PLEKHD1: variants seen among roughly 807,000 people sequenced by gnomAD.
PLEKHD1 encodes the protein pleckstrin homology and coiled-coil domain containing D1, also known as pleckstrin homology domain-containing family D member 1.
In PLEKHD1, 51 loss-of-function variants were observed where a neutral mutation model predicts 69.2. The ratio of observed to expected loss-of-function variants is 0.74; its 90% CI spans 0.59 to 0.93. The LOEUF (loss-of-function observed/expected upper bound fraction) is 0.93, where lower values mean the gene tolerates loss of function less well. Ranked by LOEUF, PLEKHD1 falls within the 40% of genes least tolerant of loss-of-function variation. The pLI is 0.00. For missense variants in PLEKHD1, 584 were observed against 641.0 expected, an observed-to-expected ratio of 0.91 and a Z score of 0.96; for synonymous variants, 236 against 244.7, an observed-to-expected ratio of 0.96 and a Z score of 0.33.
chr14:69,522,286 C>G lies in PLEKHD1; in HGVS notation c.559C>G (p.Leu187Val). 2 of 1,551,418 alleles carry G rather than the reference C, an allele frequency of 1.3e-6. No individual in the cohort carries two copies. Among genetic ancestry groups the G allele is most frequent in the Non-Finnish European group, 1.7e-6 (2 of 1,146,822 alleles). The change falls in exon 7 of 13, where the codon CTT (leucine) becomes GTT (valine). Residue 187 changes from leucine (L) to valine (V), a missense_variant. Coordinates refer to ENST00000322564, the MANE Select transcript of PLEKHD1 (RefSeq NM_001161498.2). ...TCTTCCTCTCTGGTCTCTTCAGGAG[C>G]TTGAGCGCCTTAACCAGGTGCTGGA... The part of the protein sequence containing the change: ...LCLQREQREE[L>V]ERLNQVLEAE...
intron 8 of PLEKHD1, among the ~76,000 whole-genome samples, chr14:69,525,613 G>A (rs935559442): frequency 1.3e-5 from 2 of 152,124 alleles, no homozygotes; most frequent in Non-Finnish European, 2.9e-5. Flanking sequence ...GCTGGTTCCT[G>A]TTGGGTGTTT....
intron 12 of PLEKHD1, 101 bp downstream of exon 12, chr14:69,528,033 T>C (rs1594996378): frequency 1.3e-6 from 2 of 1,524,710 alleles, no homozygotes; most frequent in Non-Finnish European, 8.8e-7. Context: ...GGCTGGAGAG[T>C]GTGGCCTTGA....
Position 69,500,965 on chromosome 14 carries a change from G to A in PLEKHD1, c.410+18G>A. 3.2e-6 allele frequency: 5 copies of A among 1,551,080 alleles called. No individual in the cohort carries two copies. Among genetic ancestry groups the A allele is most frequent in the Non-Finnish European group, 4.4e-6 (5 of 1,146,814 alleles). On this transcript the variant is annotated intron_variant, in intron 4 of 12. Coordinates refer to ENST00000322564, the MANE Select transcript of PLEKHD1 (RefSeq NM_001161498.2). ...GGGAAGGTGTAAGTGCTCACAGCCA[G>A]GAGGGCAGCCTGCAGATCCAGGATG...
intron 1 of PLEKHD1, among the ~76,000 whole-genome samples, chr14:69,487,019 G>A (rs923232188): frequency 1.3e-5 from 2 of 152,158 alleles, no homozygotes; most frequent in Admixed American, 1.3e-4. Context: ...ACAGCTAAAA[G>A]TCAAGTCCTT....
chr14:69,511,004 T>C (rs1220038889), intron 6 of PLEKHD1, among the ~76,000 whole-genome samples: 1 of 152,240 alleles, frequency 6.6e-6, no homozygotes, highest in Non-Finnish European at 1.5e-5. Flanking sequence ...TCCATGTGAT[T>C]CTTTTTCTCT....
chr14:69,485,535 C>G (rs953508307), intron 1 of PLEKHD1, among the ~76,000 whole-genome samples: 2 of 151,194 alleles, frequency 1.3e-5, no homozygotes, highest in African/African-American at 4.9e-5. Context: ...CCGCGAGGAC[C>G]GGGCCTGAGT....
chr14:69,471,084 C>A, the PLEKHD1 span, among the ~76,000 whole-genome samples: 1 of 138,386 alleles, frequency 7.2e-6, no homozygotes, highest in Non-Finnish European at 1.5e-5. Flanking sequence ...AGCCACCGTG[C>A]CTGGCCTTTT....
intron 6 of PLEKHD1, among the ~76,000 whole-genome samples, chr14:69,515,817 A>G (rs1287600057): frequency 6.6e-6 from 1 of 152,180 alleles, no homozygotes; most frequent in Non-Finnish European, 1.5e-5. Flanking sequence ...TGCCCCCGTA[A>G]TCTAACTACC....
intron 6 of PLEKHD1, 55 bp downstream of exon 6, chr14:69,502,934 A>T (rs543497047): frequency 6.5e-7 from 1 of 1,542,008 alleles, no homozygotes; most frequent in South Asian, 1.2e-5. Context: ...TCACGTTTCT[A>T]GCACTAGGGA....
chr14:69,526,006 G>C lies in PLEKHD1; in HGVS notation c.807G>C (p.Gln269His). Reference sequence around the variant, plus strand: ...TGGAGGAGAACGAGAACCACCTGCAGACACTGGCCAATCAGAGTGAGCAGC... The same window carrying C: ...TGGAGGAGAACGAGAACCACCTGCACACACTGGCCAATCAGAGTGAGCAGC... ...EMLEENENHL[Q>H]TLANQSEQPP... The change falls in exon 9 of 13, where the codon CAG becomes CAC. Residue 269 changes from glutamine to histidine, a missense_variant. Physicochemically the swap from Gln to His is conservative, Grantham distance 24. Coordinates refer to ENST00000322564, the MANE Select transcript of PLEKHD1 (RefSeq NM_001161498.2). 2 of 1,551,686 alleles carry C rather than the reference G, an allele frequency of 1.3e-6. No homozygotes were observed.
intron 6 of PLEKHD1, 36 bp from the exon 7 acceptor site, chr14:69,522,247 G>A (rs1298280421): frequency 1.3e-6 from 2 of 1,544,602 alleles, no homozygotes; most frequent in Non-Finnish European, 1.8e-6. Context: ...TTCCTTTGCT[G>A]CCTGTGACTC....
chr14:69,511,278 C>T (rs2139516401), intron 6 of PLEKHD1, among the ~76,000 whole-genome samples: 1 of 152,250 alleles, frequency 6.6e-6, no homozygotes, highest in Admixed American at 6.5e-5. Flanking sequence ...CCTGCCTCAG[C>T]CTCCCAAGTA....
chr14:69,468,890 C>T, the PLEKHD1 span, among the ~76,000 whole-genome samples: 34 of 152,112 alleles, frequency 2.2e-4, no homozygotes, highest in Non-Finnish European at 4.4e-4. Flanking sequence ...CCGACAATCA[C>T]CATTTATTTC....
chr14:69,500,827 C>T (rs752076167), intron 3 of PLEKHD1, 44 bp from the exon 4 acceptor site: 47 of 1,548,348 alleles, frequency 3.0e-5, no homozygotes, highest in African/African-American at 6.8e-5. Flanking sequence ...TCACCCTCAG[C>T]GTGGCTGCCT....
intron 5 of PLEKHD1, chr14:69,502,446 C>T (rs1266532330): frequency 3.7e-6 from 1 of 268,586 alleles, no homozygotes; most frequent in South Asian, 4.7e-5. Context: ...CACTTGGGGC[C>T]CCAGCACTTG....
rs2139538152 is a variant in PLEKHD1 at position 69,529,398 on chromosome 14, T to A, written c.*979T>A. The A allele has an allele frequency of 6.6e-6, 1 of 152,144 alleles. No homozygotes were observed. Among genetic ancestry groups the A allele is most frequent in the East Asian group, 1.9e-4 (1 of 5,176 alleles). The allele number at this position is 152,144 out of a possible 1,614,324, so 9.4% of individuals were successfully genotyped here. A position where few individuals can be genotyped will look rare whatever the true frequency, so the allele number is the denominator to read the frequency against. On this transcript the variant is annotated 3_prime_UTR_variant, in exon 13 of 13. Coordinates refer to ENST00000322564, the MANE Select transcript of PLEKHD1 (RefSeq NM_001161498.2). Reference sequence around the variant, plus strand: ...TCTACAAAAAATAAAAAAAATAAAATAAATAGCTGGGCATGGTGGTGCATG... The same window carrying A: ...TCTACAAAAAATAAAAAAAATAAAAAAAATAGCTGGGCATGGTGGTGCATG...
chr14:69,520,038 G>A (rs1340354824), intron 6 of PLEKHD1, among the ~76,000 whole-genome samples: 9 of 151,822 alleles, frequency 5.9e-5, no homozygotes, highest in South Asian at 2.1e-4. Context: ...GTGATGGTGC[G>A]CGCCCGTAAT....
intron 1 of PLEKHD1, among the ~76,000 whole-genome samples, chr14:69,495,288 A>G (rs115059989): frequency 1.3e-4 from 20 of 152,126 alleles, no homozygotes; most frequent in Non-Finnish European, 1.5e-4. Context: ...GATATGTGGC[A>G]ACATCCCCTA....
chr14:69,485,979 C>A (rs1274197260), intron 1 of PLEKHD1, among the ~76,000 whole-genome samples: 1 of 152,268 alleles, frequency 6.6e-6, no homozygotes, highest in East Asian at 1.9e-4. Context: ...CCTGGACTTG[C>A]AGGAAGCTCC....
Sources: allele counts gnomAD v4.1 joint callset (sites outside exome capture counted in the v4.1 genomes callset), GRCh38; gene constraint gnomAD v4.1.1; transcripts MANE v1.5; gene names NCBI Gene and HGNC (gene_info 2026-07-23, HGNC 2026-07-21).